The following CFAP65 variants were observed in gnomAD, a reference collection of about 807,000 sequenced individuals.
CFAP65 encodes cilia and flagella associated protein 65, also known as cilia- and flagella-associated protein 65.
A neutral mutation model predicts 208.0 loss-of-function variants in CFAP65; 155 were observed. The ratio of observed to expected loss-of-function variants is 0.75; its 90% CI spans 0.65 to 0.85. The LOEUF is 0.85. CFAP65 is among the 40% of genes least tolerant of loss of function. The probability of loss-of-function intolerance (pLI) is 0.00; values close to 1 mark genes in which losing one functional copy is unlikely to be tolerated. For synonymous variants in CFAP65, 970 were observed against 986.3 expected (o/e 0.98, Z 0.31); for missense variants, 2,294 against 2,451.3 (o/e 0.94, Z 1.36).
Position 219,031,010 on chromosome 2 carries a change from G to A in CFAP65, c.1015+96C>T, listed in dbSNP as rs999971953. The A allele has an allele frequency of 1.4e-6, 2 of 1,450,030 alleles. No individual in the cohort carries two copies. Among genetic ancestry groups the A allele is most frequent in the African/African-American group, 2.8e-5 (2 of 71,276 alleles). 89.8% of individuals were successfully genotyped at this position (1,450,030 alleles called of 1,614,324 possible). A position where few individuals can be genotyped will look rare whatever the true frequency, so the allele number is the denominator to read the frequency against. ...AGGGCAGGAGGCCGGTGGAGGCGGG[G>A]GCCAGGCCAGATGGGAGGTGGGGGA... is the stretch of plus-strand genomic sequence containing the variant. On this transcript the variant is annotated intron_variant, in intron 8 of 34. Coordinates refer to ENST00000341552, the MANE Select transcript of CFAP65 (RefSeq NM_194302.4). This position sits in a 1 kb window ranked among gnomAD's most constrained non-coding sequence, Gnocchi z 5.2.
chr2:219,023,476 G>T, intron 15 of CFAP65, 45 bp from the exon 16 acceptor site: 1 of 1,372,036 alleles, frequency 7.3e-7, no homozygotes, highest in Non-Finnish European at 1.0e-6. Context: ...TCACTCTGCA[G>T]TCCCAGCCCC....
chr2:219,017,086 G>C (rs151214984), intron 21 of CFAP65, among the ~76,000 whole-genome samples: 1 of 152,210 alleles, frequency 6.6e-6, no homozygotes, highest in Non-Finnish European at 1.5e-5. Context: ...CGCAACAGGA[G>C]GCTAGTCTGC....
At position 219,026,044 on chromosome 2, in the gene CFAP65, T is replaced by G; in HGVS notation, c.2327A>C (p.Gln776Pro). The G allele has an allele frequency of 6.2e-7, 1 of 1,614,130 alleles. No individual in the cohort carries two copies. Among genetic ancestry groups the G allele is most frequent in the Non-Finnish European group, 8.5e-7 (1 of 1,180,004 alleles). ...TACCTTGGGGACATCTAGGGAATAC[T>G]GGGGGATGTGGTGCTCAAAGCCAGC... ...YFAGFEHHIP[Q>P]YSLDVPKLFP... is the part of the protein sequence containing the mutation. Residue 776 changes from glutamine (Q) to proline (P), a missense_variant, in exon 14 of 35, where the codon CAG (glutamine) becomes CCG (proline). This residue lies in a region of CFAP65 where 867 missense variants were observed against 1,012.6 expected (regional missense o/e 0.86). Coordinates refer to ENST00000341552, the MANE Select transcript of CFAP65 (RefSeq NM_194302.4).
At chr2:219,012,332 C>A (rs2106112988) in intron 24 of CFAP65, among the ~76,000 whole-genome samples, 1 of 152,322 alleles carries the variant, frequency 6.6e-6, no homozygotes, top group Middle Eastern at 3.4e-3. Context: ...TTCCTGCTCC[C>A]AGTTTATCTC....
In CFAP65 at chr2:219,032,360, G is replaced by C; in HGVS notation, c.645+110C>G. The stretch of plus-strand genomic sequence containing the variant: ...CCCAAGCTGGATTGCTGCTGGAGCG[G>C]GCAGCATGTGTGTGTGCCGGGGCGC... On this transcript the variant is annotated intron_variant, in intron 6 of 34. Transcript: ENST00000341552. This position sits in a 1 kb window ranked among gnomAD's most constrained non-coding sequence, Gnocchi z 5.5. 1 of 872,166 alleles carries C rather than the reference G, an allele frequency of 1.1e-6. No homozygotes were observed. The highest frequency in any genetic ancestry group is 1.8e-6 in the Non-Finnish European group (1 of 568,452). 54.0% of individuals were successfully genotyped at this position (872,166 alleles called of 1,614,324 possible).
intron 19 of CFAP65, among the ~76,000 whole-genome samples, chr2:219,020,073 A>G (rs1947179267): frequency 6.6e-6 from 1 of 150,728 alleles, no homozygotes; most frequent in Non-Finnish European, 1.5e-5. Flanking sequence ...ATATTCACAG[A>G]GTTGTGCAAC....
In CFAP65 at chr2:219,039,064, A is replaced by G. The variant is rs2106279396; in HGVS notation, c.-2-14T>C. On this transcript the variant is annotated splice_polypyrimidine_tract_variant and intron_variant, in intron 2 of 34. Transcript: ENST00000341552. ...AGGTAAACATCACTGAAATAAATCA[A>G]TCAAAGCATAAGTCAATCCATCTCC... is the stretch of plus-strand genomic sequence containing the variant. 1 of 1,592,836 alleles carries G rather than the reference A, an allele frequency of 6.3e-7. No homozygotes were observed. The highest frequency in any genetic ancestry group is 8.6e-7 in the Non-Finnish European group (1 of 1,168,784).
rs769013905 is a variant in CFAP65, at chr2:219,028,235, T to C, written c.1817A>G (p.Gln606Arg). 1 of 1,614,112 alleles carries C rather than the reference T, an allele frequency of 6.2e-7. No homozygotes were observed. Among genetic ancestry groups the C allele is most frequent in the South Asian group, 1.1e-5 (1 of 91,078 alleles). Reference sequence around the variant, plus strand: ...AATCATGAGAGCCCCGTTCTGGTCCTGTGCCAGCTTCTTCTCCTTCAGCAT... The same window carrying C: ...AATCATGAGAGCCCCGTTCTGGTCCCGTGCCAGCTTCTTCTCCTTCAGCAT... ...DAMLKEKKLA[Q>R]DQNGALMIPI... is the part of the protein sequence containing the mutation. The change falls in exon 12 of 35, where the codon CAG (glutamine) becomes CGG (arginine). Residue 606 changes from glutamine to arginine, a missense_variant. Around this residue, in one of 2 missense-constraint regions of CFAP65, gnomAD observed 867 missense variants for 1,012.6 expected, o/e 0.86. Coordinates refer to ENST00000341552, the MANE Select transcript of CFAP65 (RefSeq NM_194302.4).
intron 31 of CFAP65, 103 bp downstream of exon 31, chr2:219,005,918 G>T: frequency 8.5e-7 from 1 of 1,177,336 alleles, no homozygotes; most frequent in Non-Finnish European, 1.2e-6. Flanking sequence ...TGCTGCCCAT[G>T]CTCCACCCCT....
In CFAP65 at chr2:219,031,671, G is replaced by A. The variant is rs752186165; in HGVS notation, c.646-13C>T. 2 of 1,589,974 alleles carry A rather than the reference G, an allele frequency of 1.3e-6. No individual in the cohort carries two copies. The highest frequency in any genetic ancestry group is 1.7e-6 in the Non-Finnish European group (2 of 1,167,060). On this transcript the variant is annotated splice_polypyrimidine_tract_variant and intron_variant, in intron 6 of 34. Transcript: ENST00000341552. The surrounding 1 kb of genome is among the most constrained non-coding windows in gnomAD (Gnocchi z 5.2). ...CCATGTACTCCTTCTGCAGTGTGAGGCGGGGCAGGGGCAGTCACCCATCAG... is the reference window on the plus strand; with the variant it reads ...CCATGTACTCCTTCTGCAGTGTGAGACGGGGCAGGGGCAGTCACCCATCAG...
At chr2:219,035,323 G>C in intron 5 of CFAP65, 157 bp downstream of exon 5, 1 of 1,545,518 alleles carries the variant, frequency 6.5e-7, no homozygotes, top group East Asian at 2.4e-5. Context: ...ATGGATTATA[G>C]CTGCATAATT....
intron 4 of CFAP65, among the ~76,000 whole-genome samples, chr2:219,037,911 CA>C (rs780348802): frequency 1.3e-5 from 2 of 152,112 alleles, no homozygotes; most frequent in Non-Finnish European, 2.9e-5. Flanking sequence ...CAAAGAGCTG[CA>C]AAAAGTAAAC....
In CFAP65 at chr2:219,006,059, A is replaced by G. The variant is rs917997023; in HGVS notation, c.4884T>C (p.Ala1628=). The change falls in exon 31 of 35, where the codon GCT becomes GCC. Residue 1628 remains alanine (A), a synonymous_variant. Transcript: ENST00000341552. ...GGCAGGGAAACTCTGAGAAGAAGTT[A>G]GCCAGAAAGTAGTCGGTGGCATGGG... ...ARAHATDYFL[A]NFFSEFPCHF... 12 of 1,613,442 alleles carry G rather than the reference A, an allele frequency of 7.4e-6. No homozygotes were observed. Among genetic ancestry groups the G allele is most frequent in the Non-Finnish European group, 8.5e-6 (10 of 1,180,028 alleles).
intron 14 of CFAP65, among the ~76,000 whole-genome samples, chr2:219,024,481 GGGGGCA>G (rs1947496477): frequency 1.4e-5 from 2 of 138,616 alleles, no homozygotes; most frequent in African/African-American, 2.6e-5. Flanking sequence ...GGGGCGGGGG[GGGGGCA>G]GGGGGGCGGG....
In CFAP65 at chr2:219,031,680, G is replaced by A. The variant is rs202142854; in HGVS notation, c.646-22C>T. ...CCTTCTGCAGTGTGAGGCGGGGCAG[G>A]GGCAGTCACCCATCAGTGGCATTCA... On this transcript the variant is annotated intron_variant, in intron 6 of 34. Transcript: ENST00000341552. The surrounding 1 kb of genome is among the most constrained non-coding windows in gnomAD (Gnocchi z 5.2). 55 of 1,579,354 alleles carry A rather than the reference G, an allele frequency of 3.5e-5. No homozygotes were observed. The highest frequency in any genetic ancestry group is 2.4e-4 in the Admixed American group (14 of 57,544).
At chr2:219,026,181 G>A (rs774814941) in intron 13 of CFAP65, 22 bp from the exon 14 acceptor site, 107 of 1,600,816 alleles carry the variant, frequency 6.7e-5, no homozygotes, top group Middle Eastern at 1.7e-4. Flanking sequence ...CCAGACCCAC[G>A]GAAAAGCTCA....
At position 219,010,014 on chromosome 2, in the gene CFAP65, G is replaced by A. The variant is rs1946359567; in HGVS notation, c.4380C>T (p.Leu1460=). 1 of 1,612,934 alleles carries A rather than the reference G, an allele frequency of 6.2e-7. No homozygotes were observed. Among genetic ancestry groups the A allele is most frequent in the South Asian group, 1.1e-5 (1 of 90,926 alleles). ...IPVQSKCSRL[L]FLNNISKNEE... ...CGTTCTTGGAGATGTTGTTGAGGAAGAGCAGGCGGCTGCACTTGCTCTGCA... is the reference window on the plus strand; with the variant it reads ...CGTTCTTGGAGATGTTGTTGAGGAAAAGCAGGCGGCTGCACTTGCTCTGCA... The change falls in exon 27 of 35, where the codon CTC becomes CTT. Residue 1460 remains leucine, a synonymous_variant. Transcript: ENST00000341552.
chr2:219,016,795 C>T (rs1304596174), intron 21 of CFAP65, among the ~76,000 whole-genome samples: 7 of 152,188 alleles, frequency 4.6e-5, no homozygotes, highest in South Asian at 2.1e-4. Flanking sequence ...CCTAACTCCC[C>T]GATGCCCATC....
chr2:219,028,762 G>A (rs1190156559), intron 11 of CFAP65, among the ~76,000 whole-genome samples: 1 of 152,148 alleles, frequency 6.6e-6, no homozygotes, highest in Non-Finnish European at 1.5e-5. Context: ...GCCTCATCAG[G>A]CCTCCCTCTG....
Sources: allele counts gnomAD v4.1 joint callset (sites outside exome capture counted in the v4.1 genomes callset), GRCh38; gene constraint gnomAD v4.1.1; regional missense constraint gnomAD v4.1.1; non-coding constraint Gnocchi (gnomAD v3.1); transcripts MANE v1.5; gene names NCBI Gene and HGNC (gene_info 2026-07-23, HGNC 2026-07-21).